GPM6A: variants seen among roughly 807,000 people sequenced by gnomAD.
GPM6A encodes neuronal membrane glycoprotein M6-a.
GPM6A carries 7 observed loss-of-function variants against 32.1 expected under a neutral mutation model. The ratio of observed to expected loss-of-function variants is 0.22; its 90% CI spans 0.12 to 0.41. GPM6A has a LOEUF of 0.41. Ranked by LOEUF, GPM6A falls within the 10% of genes least tolerant of loss-of-function variation. The probability of loss-of-function intolerance (pLI) is 1.00; values close to 1 mark genes in which losing one functional copy is unlikely to be tolerated. For synonymous variants in GPM6A, 130 were observed against 123.4 expected (o/e 1.05, Z -0.35); for missense variants, 235 against 347.2 (o/e 0.68, Z 2.57).
At chr4:175,959,817 T>TATTACACTATTTTAGTGTA (rs1740110268) in intron 1 of GPM6A, among the ~76,000 whole-genome samples, 1 of 152,066 alleles carries the variant, frequency 6.6e-6, no homozygotes, top group East Asian at 1.9e-4. Flanking sequence ...TACAAAGGGT[T>TATTACACTATTTTAGTGTA]ATAAATAGAG....
chr4:175,635,871 C>G (rs1740549560), intron 6 of GPM6A, among the ~76,000 whole-genome samples: 1 of 151,988 alleles, frequency 6.6e-6, no homozygotes, highest in African/African-American at 2.4e-5. Flanking sequence ...TATTTACATT[C>G]TCTGAGTTTT....
chr4:175,896,859 CATTT>C (rs1473080684), intron 1 of GPM6A, among the ~76,000 whole-genome samples: 1 of 152,118 alleles, frequency 6.6e-6, no homozygotes, highest in Non-Finnish European at 1.5e-5. Flanking sequence ...ACTTTTGGTT[CATTT>C]GTTTGTTTCA....
At chr4:175,906,896 C>A (rs951301012) in intron 1 of GPM6A, 1 of 152,102 alleles carries the variant, frequency 6.6e-6, no homozygotes, top group Non-Finnish European at 1.5e-5. Context: ...TCACTGAAAG[C>A]AAGTTTTGTC....
intron 6 of GPM6A, among the ~76,000 whole-genome samples, chr4:175,637,220 A>G (rs1200793249): frequency 1.2e-4 from 10 of 83,380 alleles, no homozygotes; most frequent in Non-Finnish European, 1.5e-4. Context: ...TATATCATAT[A>G]TAATATAAAA....
At chr4:175,986,571 CTT>C (rs1740981942) in intron 1 of GPM6A, among the ~76,000 whole-genome samples, 3 of 152,066 alleles carry the variant, frequency 2.0e-5, no homozygotes, top group African/African-American at 7.2e-5. Flanking sequence ...GAAAAAGAGA[CTT>C]TTAAATTTTT....
At chr4:175,650,271 T>TTTA (rs887378509) in intron 4 of GPM6A, among the ~76,000 whole-genome samples, 2 of 2,062 alleles carry the variant, frequency 9.7e-4, no homozygotes, top group African/African-American at 1.1e-3. Context: ...ATTTCATTAT[T>TTTA]TTATTTATTT....
At chr4:175,779,347 A>G (rs1278750934) in intron 1 of GPM6A, among the ~76,000 whole-genome samples, 1 of 152,204 alleles carries the variant, frequency 6.6e-6, no homozygotes, top group Non-Finnish European at 1.5e-5. Flanking sequence ...TTTATAATGT[A>G]TACTAGACAT....
intron 1 of GPM6A, among the ~76,000 whole-genome samples, chr4:176,002,155 A>G (rs972369346): frequency 1.3e-5 from 2 of 150,198 alleles, no homozygotes; most frequent in Non-Finnish European, 3.0e-5. Context: ...AAGTCCGGAG[A>G]CAAGAGGGCG....
chr4:175,824,269 G>A (rs1289767341), intron 1 of GPM6A, among the ~76,000 whole-genome samples: 1 of 152,018 alleles, frequency 6.6e-6, no homozygotes, highest in Non-Finnish European at 1.5e-5. Context: ...TGTTATTTTC[G>A]AATGAACCTG....
chr4:175,662,569 C>G (rs868035742), intron 3 of GPM6A, among the ~76,000 whole-genome samples: 1 of 152,044 alleles, frequency 6.6e-6, no homozygotes, highest in Non-Finnish European at 1.5e-5. Flanking sequence ...CACTGCACTC[C>G]AGCCTGGGCA....
chr4:175,883,897 C>A (rs983075139), intron 1 of GPM6A, among the ~76,000 whole-genome samples: 5 of 152,108 alleles, frequency 3.3e-5, no homozygotes, highest in African/African-American at 1.2e-4. Context: ...GTTTTTACAA[C>A]CAATTTGCAT....
At chr4:175,688,694 G>T (rs1240168486) in intron 2 of GPM6A, among the ~76,000 whole-genome samples, 3 of 151,816 alleles carry the variant, frequency 2.0e-5, no homozygotes, top group Non-Finnish European at 4.4e-5. Context: ...TGAGGCAATG[G>T]GTATCCTAAT....
chr4:175,907,815 TTATC>T (rs1457352392), intron 1 of GPM6A, among the ~76,000 whole-genome samples: 8 of 152,164 alleles, frequency 5.3e-5, no homozygotes, highest in Admixed American at 4.6e-4. Flanking sequence ...ATAAACATGT[TTATC>T]TATTTCTTTG....
chr4:175,766,653 C>CTT (rs763676067), intron 1 of GPM6A, among the ~76,000 whole-genome samples: 1,644 of 132,668 alleles, frequency 0.012, 28 homozygotes, highest in Non-Finnish European at 0.02. Flanking sequence ...TCCACTTACT[C>CTT]TTTTTTTTTT....
At chr4:175,874,275 A>G (rs17062199) in intron 1 of GPM6A, among the ~76,000 whole-genome samples, 22,049 of 152,198 alleles carry the variant, frequency 0.14, 2,551 homozygotes, top group African/African-American at 0.32. Context: ...TGTTAGAGAA[A>G]GAAAAAGTTC....
chr4:175,658,041 A>G (rs1266501548), intron 3 of GPM6A, among the ~76,000 whole-genome samples: 4 of 152,192 alleles, frequency 2.6e-5, no homozygotes, highest in Non-Finnish European at 5.9e-5. Flanking sequence ...CATCATCATC[A>G]TCGTTGTCAG....
chr4:175,982,469 G>T (rs1370454405), intron 1 of GPM6A, among the ~76,000 whole-genome samples: 1 of 152,064 alleles, frequency 6.6e-6, no homozygotes, highest in Non-Finnish European at 1.5e-5. Flanking sequence ...TATACATGGT[G>T]TCTAATTCTT....
At chr4:175,921,137 T>C (rs1242673278) in intron 1 of GPM6A, among the ~76,000 whole-genome samples, 3 of 152,204 alleles carry the variant, frequency 2.0e-5, no homozygotes, top group African/African-American at 4.8e-5. Flanking sequence ...CTTTATAATG[T>C]CAACTTAATT....
chr4:175,700,172 A>G (rs1579400044), intron 2 of GPM6A, among the ~76,000 whole-genome samples: 2 of 152,118 alleles, frequency 1.3e-5, no homozygotes, highest in East Asian at 3.9e-4. Context: ...CCACAACTCT[A>G]TTCTCTTTTC....
Sources: allele counts gnomAD v4.1 joint callset (sites outside exome capture counted in the v4.1 genomes callset), GRCh38; gene constraint gnomAD v4.1.1; transcripts MANE v1.5; gene names NCBI Gene and HGNC (gene_info 2026-07-23, HGNC 2026-07-21).